RNF4: variants seen among roughly 807,000 people sequenced by gnomAD.
RNF4 encodes the protein E3 ubiquitin-protein ligase RNF4.
Under a neutral mutation model 24.3 loss-of-function variants are expected in RNF4, and 7 were observed. The ratio of observed to expected loss-of-function variants is 0.29; its 90% CI spans 0.16 to 0.54. The LOEUF (loss-of-function observed/expected upper bound fraction) is 0.54, where lower values mean the gene tolerates loss of function less well. Ranked by LOEUF, RNF4 falls within the 20% of genes least tolerant of loss-of-function variation. The pLI is 0.95. For synonymous variants in RNF4, 83 were observed against 84.3 expected (o/e 0.98, Z 0.09); for missense variants, 209 against 248.5 (o/e 0.84, Z 1.07).
intron 4 of RNF4, among the ~76,000 whole-genome samples, chr4:2,501,382 T>C (rs533276187): frequency 1.1e-3 from 166 of 152,350 alleles, no homozygotes; most frequent in Non-Finnish European, 2.1e-3. Flanking sequence ...GCTCCCTGCA[T>C]TGCCACCTGA....
At chr4:2,503,236 C>G (rs150119266) in intron 4 of RNF4, among the ~76,000 whole-genome samples, 2 of 152,132 alleles carry the variant, frequency 1.3e-5, no homozygotes, top group African/African-American at 4.8e-5. Flanking sequence ...CTGAACTTCC[C>G]TACCTTTCTT....
intron 7 of RNF4, 84 bp downstream of exon 7, chr4:2,513,215 G>C (rs538252584): frequency 3.8e-6 from 5 of 1,310,438 alleles, no homozygotes; most frequent in Non-Finnish European, 5.5e-6. Context: ...CTTCCCCCTC[G>C]GTGGGATTGG....
At chr4:2,508,970 T>G (rs929908597) in intron 4 of RNF4, among the ~76,000 whole-genome samples, 13 of 131,084 alleles carry the variant, frequency 9.9e-5, no homozygotes, top group African/African-American at 3.7e-4. Context: ...TCGCCTAGGC[T>G]GGAGTACAAT....
chr4:2,479,444 G>C (rs1200611066), intron 1 of RNF4, among the ~76,000 whole-genome samples: 1 of 152,162 alleles, frequency 6.6e-6, no homozygotes, highest in Non-Finnish European at 1.5e-5. Context: ...TTCCACATGT[G>C]GGAGGGACCC....
intron 2 of RNF4, among the ~76,000 whole-genome samples, chr4:2,496,646 T>C (rs1735744135): frequency 1.3e-5 from 2 of 152,192 alleles, no homozygotes; most frequent in South Asian, 4.2e-4. Context: ...TTTTCAGTAG[T>C]GATGAGGCTT....
At chr4:2,502,249 C>A (rs1176222494) in intron 4 of RNF4, among the ~76,000 whole-genome samples, 1 of 152,212 alleles carries the variant, frequency 6.6e-6, no homozygotes, top group Non-Finnish European at 1.5e-5. Context: ...GTGTTCACCA[C>A]AGTCTTCTTG....
intron 4 of RNF4, among the ~76,000 whole-genome samples, chr4:2,510,161 C>CAGACTGAG (rs1390212717): frequency 2.0e-5 from 3 of 152,338 alleles, no homozygotes; most frequent in African/African-American, 7.2e-5. Context: ...GACCTTTATA[C>CAGACTGAG]TCAGTCCTGC....
chr4:2,490,961 A>G, intron 2 of RNF4, among the ~76,000 whole-genome samples: 1 of 152,148 alleles, frequency 6.6e-6, no homozygotes, highest in East Asian at 1.9e-4. Context: ...GGTGGGGCGC[A>G]CCTGTAGTCC....
At position 2,490,478 on chromosome 4, in the gene RNF4, G is replaced by A; in HGVS notation, c.-16G>A. ...ACTTCCTTTTCTGTAGGAAAGGAAA[G>A]GCACCAAAGAGCACAATGAGTACAG... On this transcript the variant is annotated 5_prime_UTR_variant, in exon 2 of 8. Transcript: ENST00000314289. 6.2e-7 allele frequency: 1 copy of A among 1,612,174 alleles called. No homozygotes were observed. Among genetic ancestry groups the A allele is most frequent in the Non-Finnish European group, 8.5e-7 (1 of 1,179,100 alleles).
At chr4:2,473,866 GTTGGAGAC>G (rs749865578) in intron 1 of RNF4, among the ~76,000 whole-genome samples, 4 of 152,102 alleles carry the variant, frequency 2.6e-5, no homozygotes, top group Admixed American at 1.3e-4. Context: ...GAGGTCAGGA[GTTGGAGAC>G]CAGCCTGGCC....
At chr4:2,483,175 G>T (rs1237260670) in intron 1 of RNF4, among the ~76,000 whole-genome samples, 1 of 152,132 alleles carries the variant, frequency 6.6e-6, no homozygotes, top group Non-Finnish European at 1.5e-5. Context: ...CCCATTCCTA[G>T]CCCCTGGAGC....
At chr4:2,470,231 C>T (rs1043770955) in intron 1 of RNF4, among the ~76,000 whole-genome samples, 3 of 152,214 alleles carry the variant, frequency 2.0e-5, no homozygotes, top group Non-Finnish European at 4.4e-5. Flanking sequence ...TGCCCAAGGT[C>T]ACATAGCCAG....
At position 2,497,103 on chromosome 4, in the gene RNF4, A is replaced by G. The variant is rs1025686608; in HGVS notation, c.106A>G (p.Ile36Val). The G allele has an allele frequency of 8.1e-6, 13 of 1,608,046 alleles. No individual in the cohort carries two copies. Among genetic ancestry groups the G allele is most frequent in the Middle Eastern group, 1.7e-4 (1 of 6,056 alleles). ...TPEISLEAEP[I>V]ELVETAGDEI... is the part of the protein sequence containing the mutation. Reference sequence around the variant, plus strand: ...CGAGATCTCCTTGGAAGCAGAACCCATAGAACTCGTGGAAACTGGTAAGAT... The same window carrying G: ...CGAGATCTCCTTGGAAGCAGAACCCGTAGAACTCGTGGAAACTGGTAAGAT... Residue 36 changes from isoleucine to valine, a missense_variant, in exon 3 of 8, where the codon ATA becomes GTA. By Grantham distance (29) the Ile-to-Val change is conservative (BLOSUM62 3). Around this residue, in one of 3 missense-constraint regions of RNF4, gnomAD observed 182 missense variants for 197.2 expected, o/e 0.92. Coordinates refer to ENST00000314289, the MANE Select transcript of RNF4 (RefSeq NM_002938.5).
chr4:2,482,125 C>G (rs966564744), intron 1 of RNF4, among the ~76,000 whole-genome samples: 1 of 152,204 alleles, frequency 6.6e-6, no homozygotes, highest in African/African-American at 2.4e-5. Context: ...GAACATGTCT[C>G]TCTTTAGGAG....
chr4:2,509,524 G>A (rs2108778012), intron 4 of RNF4, among the ~76,000 whole-genome samples: 1 of 152,182 alleles, frequency 6.6e-6, no homozygotes, highest in South Asian at 2.1e-4. Flanking sequence ...AGCCTGTGGT[G>A]TTGTTCTTAT....
chr4:2,506,905 GTC>G (rs1278714158), intron 4 of RNF4, among the ~76,000 whole-genome samples: 1 of 152,138 alleles, frequency 6.6e-6, no homozygotes, highest in Non-Finnish European at 1.5e-5. Context: ...CAGTATGCCA[GTC>G]TCTGCTCTGG....
At chr4:2,476,923 A>G (rs949948255) in intron 1 of RNF4, among the ~76,000 whole-genome samples, 1 of 151,598 alleles carries the variant, frequency 6.6e-6, no homozygotes, top group Admixed American at 6.6e-5. Flanking sequence ...CTGGGATTAC[A>G]GGTGGGCAGC....
At chr4:2,510,729 G>C (rs1207248252) in intron 4 of RNF4, among the ~76,000 whole-genome samples, 2 of 152,212 alleles carry the variant, frequency 1.3e-5, no homozygotes, top group Admixed American at 6.5e-5. Flanking sequence ...TTGGTGGTGA[G>C]AACTTTCCTG....
chr4:2,496,006 C>T (rs936062772), intron 2 of RNF4, among the ~76,000 whole-genome samples: 1 of 152,202 alleles, frequency 6.6e-6, no homozygotes, highest in Non-Finnish European at 1.5e-5. Context: ...AATGCTGGAG[C>T]ATATTGGCAA....
Sources: allele counts gnomAD v4.1 joint callset (sites outside exome capture counted in the v4.1 genomes callset), GRCh38; gene constraint gnomAD v4.1.1; regional missense constraint gnomAD v4.1.1; transcripts MANE v1.5; gene names NCBI Gene and HGNC (gene_info 2026-07-23, HGNC 2026-07-21).